The following SLC39A11 variants were observed in gnomAD, a reference collection of about 807,000 sequenced individuals.
The protein encoded by SLC39A11 is solute carrier family 39 member 11.
A neutral mutation model predicts 36.1 loss-of-function variants in SLC39A11; 33 were observed. That is an observed-to-expected ratio of 0.91 (90% CI 0.69 to 1.22). The LOEUF (loss-of-function observed/expected upper bound fraction) is 1.22, where lower values mean the gene tolerates loss of function less well. Among genes scored for constraint, SLC39A11 ranks in the 50% most tolerant of loss-of-function variants. The probability of loss-of-function intolerance (pLI) is 0.00; values close to 1 mark genes in which losing one functional copy is unlikely to be tolerated. For synonymous variants in SLC39A11, 166 were observed against 170.3 expected (o/e 0.97, Z 0.20); for missense variants, 432 against 430.3 (o/e 1.00, Z -0.03).
At chr17:73,036,105 T>C (rs562817058) in intron 3 of SLC39A11, among the ~76,000 whole-genome samples, 1 of 152,302 alleles carries the variant, frequency 6.6e-6, no homozygotes, top group Non-Finnish European at 1.5e-5. Flanking sequence ...TTGTCCCAGT[T>C]AAAATCACTG....
At chr17:72,986,923 T>C (rs1221950985) in intron 4 of SLC39A11, among the ~76,000 whole-genome samples, 1 of 152,148 alleles carries the variant, frequency 6.6e-6, no homozygotes, top group Non-Finnish European at 1.5e-5. Context: ...GCACAGGGTA[T>C]TGTCCAATAA....
intron 6 of SLC39A11, among the ~76,000 whole-genome samples, chr17:72,754,039 T>C (rs1353525583): frequency 0.028 from 3,017 of 109,380 alleles, 73 homozygotes; most frequent in East Asian, 0.13. Flanking sequence ...TATATATATA[T>C]ATATATACAC....
chr17:72,888,929 C>T (rs1005454973), intron 5 of SLC39A11, among the ~76,000 whole-genome samples: 2 of 151,924 alleles, frequency 1.3e-5, no homozygotes, highest in African/African-American at 4.8e-5. Flanking sequence ...AAAGAAAAAA[C>T]GAAAGTGTAG....
chr17:72,841,690 C>T (rs2078817586), intron 6 of SLC39A11, among the ~76,000 whole-genome samples: 1 of 152,082 alleles, frequency 6.6e-6, no homozygotes, highest in Non-Finnish European at 1.5e-5. Flanking sequence ...AAAATAACTA[C>T]AAGTATAACT....
intron 7 of SLC39A11, among the ~76,000 whole-genome samples, chr17:72,710,098 C>T (rs1006542878): frequency 6.6e-6 from 1 of 152,202 alleles, no homozygotes; most frequent in African/African-American, 2.4e-5. Flanking sequence ...CTCTTAATTT[C>T]CCTCTTCGTC....
chr17:73,036,461 T>C (rs1043474638), intron 3 of SLC39A11, among the ~76,000 whole-genome samples: 2 of 152,072 alleles, frequency 1.3e-5, no homozygotes, highest in South Asian at 2.1e-4. Context: ...TCTTTGCTTG[T>C]TTTGAGACAG....
At chr17:72,899,934 C>A (rs2082233686) in intron 5 of SLC39A11, among the ~76,000 whole-genome samples, 1 of 147,010 alleles carries the variant, frequency 6.8e-6, no homozygotes, top group African/African-American at 2.5e-5. Flanking sequence ...TATATTCCAG[C>A]CTGGGTGACA....
intron 7 of SLC39A11, among the ~76,000 whole-genome samples, chr17:72,712,398 A>G (rs2073142006): frequency 6.6e-6 from 1 of 152,280 alleles, no homozygotes; most frequent in Admixed American, 6.5e-5. Flanking sequence ...TGAAAGACCA[A>G]AGAAAAATAA....
intron 5 of SLC39A11, among the ~76,000 whole-genome samples, chr17:72,920,934 C>T (rs1482045491): frequency 6.6e-6 from 1 of 152,108 alleles, no homozygotes; most frequent in African/African-American, 2.4e-5. Flanking sequence ...CCTTAGCAGT[C>T]AACACCATCT....
intron 5 of SLC39A11, among the ~76,000 whole-genome samples, chr17:72,869,555 A>G (rs573215287): frequency 2.0e-5 from 3 of 152,226 alleles, no homozygotes; most frequent in East Asian, 3.9e-4. Context: ...ATGCCCAGCT[A>G]ATTTTTGTAT....
intron 5 of SLC39A11, among the ~76,000 whole-genome samples, chr17:72,853,424 G>A (rs9910192): frequency 0.51 from 77,860 of 151,738 alleles, 20,597 homozygotes; most frequent in Middle Eastern, 0.58. Flanking sequence ...AACAATCACC[G>A]ACAGTTGCGC....
intron 7 of SLC39A11, chr17:72,725,592 A>C (rs917010369): frequency 1.3e-5 from 2 of 152,220 alleles, no homozygotes; most frequent in Admixed American, 6.5e-5. Context: ...ACACACAGTC[A>C]CCTTTCCTGG....
At chr17:72,923,403 C>T (rs1192010461) in intron 5 of SLC39A11, among the ~76,000 whole-genome samples, 1 of 152,100 alleles carries the variant, frequency 6.6e-6, no homozygotes, top group Non-Finnish European at 1.5e-5. Flanking sequence ...TGGCCTGCAG[C>T]CTGCATATAT....
intron 5 of SLC39A11, among the ~76,000 whole-genome samples, chr17:72,946,285 A>T (rs1219299519): frequency 6.6e-6 from 1 of 152,238 alleles, no homozygotes; most frequent in Non-Finnish European, 1.5e-5. Context: ...CTCACATTGG[A>T]TGAAATTTTT....
At chr17:72,851,635 C>T (rs1255538299) in intron 5 of SLC39A11, among the ~76,000 whole-genome samples, 1 of 152,126 alleles carries the variant, frequency 6.6e-6, no homozygotes, top group Non-Finnish European at 1.5e-5. Flanking sequence ...AATAGGATAG[C>T]TAGATCTCAG....
intron 7 of SLC39A11, among the ~76,000 whole-genome samples, chr17:72,654,992 G>A (rs1051854426): frequency 1.3e-5 from 2 of 152,136 alleles, no homozygotes; most frequent in Non-Finnish European, 1.5e-5. Context: ...GGCAAGCCTC[G>A]TTACCTCTGC....
chr17:72,764,660 T>G (rs1338175401), intron 6 of SLC39A11, among the ~76,000 whole-genome samples: 1 of 152,038 alleles, frequency 6.6e-6, no homozygotes, highest in Non-Finnish European at 1.5e-5. Context: ...AGACTGAAAC[T>G]CAGACACACC....
At chr17:72,870,408 G>C (rs961536857) in intron 5 of SLC39A11, among the ~76,000 whole-genome samples, 1 of 152,238 alleles carries the variant, frequency 6.6e-6, no homozygotes, top group Non-Finnish European at 1.5e-5. Flanking sequence ...ATAACTTCCA[G>C]GAGTTAGGTA....
At chr17:73,040,628 T>C (rs1419862106) in intron 3 of SLC39A11, among the ~76,000 whole-genome samples, 1 of 152,228 alleles carries the variant, frequency 6.6e-6, no homozygotes, top group Non-Finnish European at 1.5e-5. Context: ...ATTCCCTGTA[T>C]TATTTTTGCA....
Sources: allele counts gnomAD v4.1 joint callset (sites outside exome capture counted in the v4.1 genomes callset), GRCh38; gene constraint gnomAD v4.1.1; transcripts MANE v1.5; gene names NCBI Gene and HGNC (gene_info 2026-07-23, HGNC 2026-07-21).